The following FUBP3 variants were observed in gnomAD, a reference collection of about 807,000 sequenced individuals.
FUBP3 encodes far upstream element binding protein 3, also known as far upstream element-binding protein 3.
FUBP3 carries 28 observed loss-of-function variants against 85.6 expected under a neutral mutation model. The observed-to-expected ratio is 0.33, with a 90% confidence interval of 0.24 to 0.45. The LOEUF (loss-of-function observed/expected upper bound fraction) is 0.45. Among genes scored for constraint, FUBP3 ranks in the 20% least tolerant of loss-of-function variants. The pLI is 1.00. For synonymous variants in FUBP3, 271 were observed against 271.4 expected (o/e 1.00, Z 0.01); for missense variants, 583 against 755.1 (o/e 0.77, Z 2.67).
intron 1 of FUBP3, among the ~76,000 whole-genome samples, chr9:130,589,705 A>ATATTT (rs1414691549): frequency 5.4e-5 from 4 of 73,858 alleles, no homozygotes; most frequent in African/African-American, 1.5e-4. Context: ...ATATATATAT[A>ATATTT]TTTTTTTTTT....
At chr9:130,590,096 A>C (rs952928758) in intron 1 of FUBP3, among the ~76,000 whole-genome samples, 1 of 138,676 alleles carries the variant, frequency 7.2e-6, no homozygotes, top group African/African-American at 2.8e-5. Flanking sequence ...ACATGCCCCT[A>C]AAATGTTTTT....
In FUBP3 at chr9:130,610,109, C is replaced by A. The variant is rs1056034166; in HGVS notation, c.224+122C>A. The A allele has an allele frequency of 7.7e-6, 6 of 774,890 alleles. No individual in the cohort carries two copies. In the African/African-American group the frequency reaches 1.0e-4, roughly 13 times the overall value. 48.0% of individuals were successfully genotyped at this position (774,890 alleles called of 1,614,324 possible). Reference sequence around the variant, plus strand: ...ATGTGAAAAAGCATGGGTTAGGCTTCTTTAAGACTCGAGTTTTTTGCTAGC... The same window carrying A: ...ATGTGAAAAAGCATGGGTTAGGCTTATTTAAGACTCGAGTTTTTTGCTAGC... On this transcript the variant is annotated intron_variant, in intron 3 of 18. Coordinates refer to ENST00000319725, the MANE Select transcript of FUBP3 (RefSeq NM_003934.2).
chr9:130,627,055 A>G (rs1045255609), intron 12 of FUBP3, among the ~76,000 whole-genome samples: 2 of 152,298 alleles, frequency 1.3e-5, no homozygotes, highest in African/African-American at 4.8e-5. Context: ...TTTTCTGGGC[A>G]TTTTGGAGAA....
At chr9:130,631,452 C>T (rs779523936) in intron 13 of FUBP3, 105 bp from the exon 14 acceptor site, 4 of 1,286,392 alleles carry the variant, frequency 3.1e-6, no homozygotes, top group Middle Eastern at 2.3e-4. Context: ...TTACTTCACT[C>T]GACTCCATCT....
intron 2 of FUBP3, among the ~76,000 whole-genome samples, chr9:130,602,796 G>C (rs1382270319): frequency 6.6e-6 from 1 of 152,126 alleles, no homozygotes; most frequent in Non-Finnish European, 1.5e-5. Flanking sequence ...TCCAGGGGCG[G>C]TGGACATGGG....
chr9:130,632,966 C>T (rs1184976411), intron 16 of FUBP3, among the ~76,000 whole-genome samples: 4 of 152,252 alleles, frequency 2.6e-5, no homozygotes, highest in Non-Finnish European at 5.9e-5. Context: ...GAGTTTCTGT[C>T]CTGTGTTTAG....
chr9:130,609,753 T>A (rs1338186873), intron 2 of FUBP3, among the ~76,000 whole-genome samples: 2 of 152,202 alleles, frequency 1.3e-5, no homozygotes, highest in African/African-American at 2.4e-5. Flanking sequence ...GGACACTGGG[T>A]TACAGACTGT....
Position 130,626,508 on chromosome 9 carries a change from A to G in FUBP3, c.1117+3A>G, listed in dbSNP as rs1193531775. ...GTGTGGCCTCGTCATAGGCAAAGGT[A>G]AGAGGCAGCTGGGGTTTCACATCCC... On this transcript the variant is annotated splice_donor_region_variant and intron_variant, in intron 12 of 18. Transcript: ENST00000319725. The G allele has an allele frequency of 6.2e-7, 1 of 1,613,484 alleles. No individual in the cohort carries two copies. The highest frequency in any genetic ancestry group is 8.5e-7 in the Non-Finnish European group (1 of 1,179,580).
In FUBP3 at chr9:130,637,135, T is replaced by C. The variant is rs1640158689; in HGVS notation, c.*113T>C. The stretch of plus-strand genomic sequence containing the variant: ...TTGATGAAGAACTGTTGTTTTGTTC[T>C]GTGAAACACTATATTTAGATTAACG... On this transcript the variant is annotated 3_prime_UTR_variant, in exon 19 of 19. Coordinates refer to ENST00000319725, the MANE Select transcript of FUBP3 (RefSeq NM_003934.2). The C allele has an allele frequency of 1.2e-6, 1 of 846,850 alleles. No homozygotes were observed. Among genetic ancestry groups the C allele is most frequent in the South Asian group, 1.4e-5 (1 of 73,166 alleles). The allele number at this position is 846,850 out of a possible 1,614,324, so 52.5% of individuals were successfully genotyped here.
chr9:130,586,749 C>CTTTTT (rs34911755), intron 1 of FUBP3, among the ~76,000 whole-genome samples: 1 of 113,298 alleles, frequency 8.8e-6, no homozygotes, highest in Admixed American at 1.0e-4. Flanking sequence ...AAGCAGCAAT[C>CTTTTT]TTTTTTTTTT....
chr9:130,633,910 C>T (rs967079131), intron 16 of FUBP3, among the ~76,000 whole-genome samples: 3 of 152,206 alleles, frequency 2.0e-5, no homozygotes, highest in African/African-American at 7.2e-5. Context: ...ACAATCCTTA[C>T]AGGAGACGAG....
At chr9:130,579,793 C>T (rs748524287) in intron 1 of FUBP3, 29 bp downstream of exon 1, 58 of 1,233,106 alleles carry the variant, frequency 4.7e-5, no homozygotes, top group Non-Finnish European at 5.7e-5. Flanking sequence ...GGCAGGAGCA[C>T]GAGATCCCGA....
At chr9:130,580,267 A>G (rs140432911) in intron 1 of FUBP3, among the ~76,000 whole-genome samples, 8 of 152,218 alleles carry the variant, frequency 5.3e-5, no homozygotes, top group Non-Finnish European at 1.0e-4. Context: ...GGGAGGTGTT[A>G]CATGTGTGGG....
chr9:130,614,998 A>G (rs982470855), intron 6 of FUBP3, among the ~76,000 whole-genome samples: 1 of 152,166 alleles, frequency 6.6e-6, no homozygotes, highest in African/African-American at 2.4e-5. Flanking sequence ...CTGTCCTTCA[A>G]TCTACGGAGC....
chr9:130,592,746 G>T (rs2119020723), intron 1 of FUBP3, among the ~76,000 whole-genome samples: 1 of 152,148 alleles, frequency 6.6e-6, no homozygotes, highest in Non-Finnish European at 1.5e-5. Flanking sequence ...GTCTTGCTGT[G>T]TTGCCCAGGC....
chr9:130,582,414 G>A lies in FUBP3; in HGVS notation c.84+2650G>A, dbSNP rs1830166816. Among the ~76,000 whole-genome samples, 4 of 151,376 alleles carry A rather than the reference G, an allele frequency of 2.6e-5. No homozygotes were observed. In the East Asian group the frequency reaches 7.8e-4, roughly 29 times the overall value. On this transcript the variant is annotated intron_variant, in intron 1 of 18. Coordinates refer to ENST00000319725, the MANE Select transcript of FUBP3 (RefSeq NM_003934.2). ...TGCAGTGAGCTGTGATTGCTCCGCTGCATTCCAGCCTGAGTGACAGAGTGA... is the reference window on the plus strand; with the variant it reads ...TGCAGTGAGCTGTGATTGCTCCGCTACATTCCAGCCTGAGTGACAGAGTGA...
chr9:130,637,774 AAAC>A lies in FUBP3; in HGVS notation c.*753_*755del, dbSNP rs1447580410. The A allele has an allele frequency of 6.6e-6, 1 of 152,580 alleles. No homozygotes were observed. The highest frequency in any genetic ancestry group is 2.4e-5 in the African/African-American group (1 of 41,458). The allele number at this position is 152,580 out of a possible 1,614,324, so 9.5% of individuals were successfully genotyped here. ...AAGCTTGTTTTTAAAACAAAACAAA[AAAC>A]CTTTCTCTATTATCTCAGAAATATA... On this transcript the variant is annotated 3_prime_UTR_variant, in exon 19 of 19. Coordinates refer to ENST00000319725, the MANE Select transcript of FUBP3 (RefSeq NM_003934.2).
Position 130,634,683 on chromosome 9 carries a change from G to A in FUBP3, c.1527G>A (p.Pro509=), listed in dbSNP as rs781262682. 1.4e-5 allele frequency: 22 copies of A among 1,613,638 alleles called. No homozygotes were observed. Among genetic ancestry groups the A allele is most frequent in the South Asian group, 5.5e-5 (5 of 91,074 alleles). Residue 509 remains proline (P), a synonymous_variant, in exon 17 of 19, where the codon CCG becomes CCA. Coordinates refer to ENST00000319725, the MANE Select transcript of FUBP3 (RefSeq NM_003934.2). ...TQQVPSQQSQ[P]QSSQPNYSKA... Reference sequence around the variant, plus strand: ...TTCGCACAGGCCAGCAGAGCCAGCCGCAGAGCAGCCAGCCCAACTACAGCA... The same window carrying A: ...TTCGCACAGGCCAGCAGAGCCAGCCACAGAGCAGCCAGCCCAACTACAGCA...
intron 16 of FUBP3, among the ~76,000 whole-genome samples, chr9:130,634,172 T>C (rs1830325043): frequency 1.3e-5 from 2 of 152,250 alleles, no homozygotes; most frequent in African/African-American, 4.8e-5. Context: ...CCCAAACACA[T>C]GCACCCCCTT....
Sources: gnomAD v4.1 joint callset for allele counts (sites outside exome capture counted in the v4.1 genomes callset) on GRCh38, gnomAD v4.1.1 for gene constraint, MANE v1.5 for transcripts, NCBI Gene and HGNC (gene_info 2026-07-23, HGNC 2026-07-21) for gene names.